Variants in EP400 observed in about 807,000 individuals in gnomAD.
EP400 encodes E1A-binding protein p400.
In EP400, 105 loss-of-function variants were observed where a neutral mutation model predicts 354.1. That is an observed-to-expected ratio of 0.30 (90% CI 0.25 to 0.35). EP400 has a LOEUF of 0.35. EP400 is among the 10% of genes least tolerant of loss of function. The pLI is 1.00. For synonymous variants in EP400, 1,646 were observed against 1,716.9 expected, an observed-to-expected ratio of 0.96 and a Z score of 1.02; for missense variants, 3,280 against 4,121.0, an observed-to-expected ratio of 0.80 and a Z score of 5.59.
At position 132,050,626 on chromosome 12, in the gene EP400, C is replaced by T. The variant is rs1483716377; in HGVS notation, c.7365C>T (p.Asn2455=). Residue 2455 remains asparagine, a synonymous_variant, in exon 41 of 53, where the codon AAC becomes AAT. Coordinates refer to ENST00000389561, the MANE Select transcript of EP400 (RefSeq NM_015409.5). This position sits in a 1 kb window ranked among gnomAD's most constrained non-coding sequence, Gnocchi z 4.8. ...PLLGMNPFQK[N]PKHASVLAES... ...TTGGCATGAATCCCTTTCAGAAGAA[C>T]CCCAAGCACGCGTCTGTGTTGGCAG... 1 of 1,614,236 alleles carries T rather than the reference C, an allele frequency of 6.2e-7. No individual in the cohort carries two copies. Among genetic ancestry groups the T allele is most frequent in the Non-Finnish European group, 8.5e-7 (1 of 1,180,044 alleles).
chr12:131,961,696 G>A lies in EP400; in HGVS notation c.1077G>A (p.Pro359=), dbSNP rs761080048. 21 of 1,614,024 alleles carry A rather than the reference G, an allele frequency of 1.3e-5. No homozygotes were observed. The highest frequency in any genetic ancestry group is 6.6e-5 in the South Asian group (6 of 91,074). ...KKLEEIPPAS[P]EMAQMRKQCL... is the part of the protein sequence containing the mutation. ...TAGAGGAGATTCCCCCAGCCTCTCC[G>A]GAGATGGCACAGATGAGGAAGCAGT... The change falls in exon 2 of 53, where the codon CCG becomes CCA. Residue 359 remains proline, a synonymous_variant. Transcript: ENST00000389561.
At chr12:131,963,655 G>A (rs757541782) in intron 2 of EP400, 1 of 1,590,692 alleles carries the variant, frequency 6.3e-7, no homozygotes, top group Non-Finnish European at 8.5e-7. Context: ...ACTTTTCGAT[G>A]GTTCTCAAAT....
In EP400 at chr12:132,075,018, T is replaced by C. The variant is rs1354575384; in HGVS notation, c.9022-1498T>C. Among the ~76,000 whole-genome samples, 2 of 152,158 alleles carry C rather than the reference T, an allele frequency of 1.3e-5. No individual in the cohort carries two copies. The highest frequency in any genetic ancestry group is 3.9e-4 in the East Asian group (2 of 5,192). ...ACTGCTTGGTGTGTGGCTCAGGCTT[T>C]CACTCAGCTCTCAGGTGTTACCCAC... is the stretch of plus-strand genomic sequence containing the variant. On this transcript the variant is annotated intron_variant, in intron 51 of 52. Coordinates refer to ENST00000389561, the MANE Select transcript of EP400 (RefSeq NM_015409.5). This position sits in a 1 kb window ranked among gnomAD's most constrained non-coding sequence, Gnocchi z 4.5.
Position 132,021,301 on chromosome 12 carries a change from A to G in EP400, c.4670A>G (p.Gln1557Arg). The change falls in exon 23 of 53, where the codon CAG becomes CGG. Residue 1557 changes from glutamine (Q) to arginine (R), a missense_variant. This residue lies in a region of EP400 where 342 missense variants were observed against 342.7 expected (regional missense o/e 1.00). Coordinates refer to ENST00000389561, the MANE Select transcript of EP400 (RefSeq NM_015409.5). ...ALPQRLVLPSQAQARLPSGEV... is the reference protein window; with the variant it reads ...ALPQRLVLPSRAQARLPSGEV... ...CCTCAGAGGCTGGTGCTCCCCTCGC[A>G]GGCCCAGGCCCGCTTGCCCAGTAAG... The G allele has an allele frequency of 6.6e-7, 1 of 1,522,012 alleles. No individual in the cohort carries two copies. 94.3% of individuals were successfully genotyped at this position (1,522,012 alleles called of 1,614,324 possible).
At chr12:131,966,671 A>G (rs910929844) in intron 2 of EP400, among the ~76,000 whole-genome samples, 1 of 150,748 alleles carries the variant, frequency 6.6e-6, no homozygotes, top group African/African-American at 2.4e-5. Flanking sequence ...TCGGAGGCTG[A>G]GGCAGGCAGA....
At chr12:131,960,170 C>T (rs1269487141) in intron 1 of EP400, among the ~76,000 whole-genome samples, 1 of 152,208 alleles carries the variant, frequency 6.6e-6, no homozygotes, top group East Asian at 1.9e-4. Flanking sequence ...TGCTCTTCTG[C>T]CTGCTGGCTG....
At chr12:132,006,639 A>AG in intron 14 of EP400, 61 bp from the exon 15 acceptor site, 1 of 1,496,204 alleles carries the variant, frequency 6.7e-7, no homozygotes, top group South Asian at 1.3e-5. Flanking sequence ...TTCAGTTTTG[A>AG]GAAAAAGTTT....
intron 2 of EP400, among the ~76,000 whole-genome samples, chr12:131,976,483 G>A (rs1215643097): frequency 2.0e-5 from 3 of 152,184 alleles, no homozygotes; most frequent in Admixed American, 6.5e-5. Flanking sequence ...GGAGGCTGAG[G>A]CGGGTGGATC....
At chr12:131,986,982 C>G (rs1223498047) in intron 6 of EP400, among the ~76,000 whole-genome samples, 175 bp downstream of exon 6, 1 of 152,216 alleles carries the variant, frequency 6.6e-6, no homozygotes, top group Non-Finnish European at 1.5e-5. Flanking sequence ...GAAGCAGACT[C>G]ATGGGGGCAG....
intron 46 of EP400, 46 bp from the exon 47 acceptor site, chr12:132,062,420 T>G (rs750467353): frequency 1.9e-6 from 3 of 1,610,214 alleles, no homozygotes; most frequent in Non-Finnish European, 8.5e-7. Context: ...GATCTGAAGG[T>G]GGGCGAGTAT....
intron 19 of EP400, among the ~76,000 whole-genome samples, chr12:132,016,839 A>G (rs561825367): frequency 6.6e-6 from 1 of 152,052 alleles, no homozygotes; most frequent in East Asian, 1.9e-4. Context: ...ACCATCGACC[A>G]AGTTGTTTGA....
At chr12:131,992,381 G>C in intron 11 of EP400, 151 bp downstream of exon 11, 1 of 734,088 alleles carries the variant, frequency 1.4e-6, no homozygotes, top group Non-Finnish European at 2.3e-6. Context: ...AGTGTATAGA[G>C]TACTTTTTGT....
chr12:132,035,088 G>T (rs538564266), intron 30 of EP400, among the ~76,000 whole-genome samples: 4 of 152,276 alleles, frequency 2.6e-5, no homozygotes, highest in Admixed American at 6.5e-5. Flanking sequence ...AATAGGAAGG[G>T]CCTGTGAATA....
intron 51 of EP400, among the ~76,000 whole-genome samples, chr12:132,074,111 G>C (rs1239760539): frequency 6.6e-6 from 1 of 151,004 alleles, no homozygotes; most frequent in African/African-American, 2.4e-5. Context: ...TTTTAGTAGA[G>C]GTGGGGTTTC....
intron 2 of EP400, among the ~76,000 whole-genome samples, chr12:131,969,638 A>G (rs1403652349): frequency 6.6e-6 from 1 of 152,118 alleles, no homozygotes; most frequent in African/African-American, 2.4e-5. Context: ...ATATATATAT[A>G]TTCTTTGATC....
chr12:132,061,793 C>T lies in EP400; in HGVS notation c.7885-317C>T, dbSNP rs996592713. On this transcript the variant is annotated intron_variant, in intron 45 of 52. Transcript: ENST00000389561. ...GTAGCATGGGTGCCTCAAGGACAGT[C>T]GTTACGTTCCTGGGGACCAAGAGGT... Among the ~76,000 whole-genome samples, 9 of 152,302 alleles carry T rather than the reference C, an allele frequency of 5.9e-5. No individual in the cohort carries two copies. The East Asian group carries it at 1.5e-3, about 26-fold the overall frequency.
intron 45 of EP400, among the ~76,000 whole-genome samples, chr12:132,057,916 A>C (rs1895564599): frequency 6.6e-6 from 1 of 152,164 alleles, no homozygotes; most frequent in Non-Finnish European, 1.5e-5. Context: ...AGTGGCTCTT[A>C]ATGGACAAGA....
Position 132,017,393 on chromosome 12 carries a change from C to A in EP400, c.3924-142C>A. On this transcript the variant is annotated intron_variant, in intron 19 of 52. Coordinates refer to ENST00000389561, the MANE Select transcript of EP400 (RefSeq NM_015409.5). The surrounding 1 kb of genome is among the most constrained non-coding windows in gnomAD (Gnocchi z 5.0). Reference sequence around the variant, plus strand: ...CTGCCTGGGATGTGGACTTGAATGGCCACTCTGTCTAACTCATTAAGCGGA... The same window carrying A: ...CTGCCTGGGATGTGGACTTGAATGGACACTCTGTCTAACTCATTAAGCGGA... 1.3e-6 allele frequency: 1 copy of A among 773,934 alleles called. No homozygotes were observed. 47.9% of individuals were successfully genotyped at this position (773,934 alleles called of 1,614,324 possible). A position where few individuals can be genotyped will look rare whatever the true frequency, so the allele number is the denominator to read the frequency against.
intron 34 of EP400, 66 bp from the exon 35 acceptor site, chr12:132,044,111 A>AGGGACTCG: frequency 6.3e-7 from 1 of 1,586,158 alleles, no homozygotes; most frequent in Non-Finnish European, 8.6e-7. Flanking sequence ...AACCTGGAGC[A>AGGGACTCG]GGGACTCGGG....
Sources: allele counts gnomAD v4.1 joint callset (sites outside exome capture counted in the v4.1 genomes callset), GRCh38; gene constraint gnomAD v4.1.1; regional missense constraint gnomAD v4.1.1; non-coding constraint Gnocchi (gnomAD v3.1); transcripts MANE v1.5; gene names NCBI Gene and HGNC (gene_info 2026-07-23, HGNC 2026-07-21).